The following COL4A2 variants were observed in gnomAD, a reference collection of about 807,000 sequenced individuals.
The protein encoded by COL4A2 is collagen type IV alpha 2 chain.
COL4A2 carries 99 observed loss-of-function variants against 200.2 expected under a neutral mutation model. That is an observed-to-expected ratio of 0.49 (90% CI 0.42 to 0.58). The LOEUF (loss-of-function observed/expected upper bound fraction) is 0.58, where lower values mean the gene tolerates loss of function less well. Ranked by LOEUF, COL4A2 falls within the 20% of genes least tolerant of loss-of-function variation. The pLI is 0.00. For missense variants in COL4A2, 1,950 were observed against 2,314.1 expected (o/e 0.84, Z 3.23); for synonymous variants, 897 against 900.6 (o/e 1.00, Z 0.07).
At chr13:110,314,474 AC>A (rs1234709369) in intron 3 of COL4A2, among the ~76,000 whole-genome samples, 1 of 152,188 alleles carries the variant, frequency 6.6e-6, no homozygotes, top group African/African-American at 2.4e-5. Flanking sequence ...GCAGAGGTAG[AC>A]CCAAGCGAAG....
In COL4A2 at chr13:110,403,180, C is replaced by G. The variant is rs561576165; in HGVS notation, c.181-21554C>G. Among the ~76,000 whole-genome samples the G allele has an allele frequency of 1.1e-3, 173 of 152,320 alleles. 1 individual carries two copies. Among genetic ancestry groups the G allele is most frequent in the African/African-American group, 3.9e-3 (164 of 41,592 alleles). Reference sequence around the variant, plus strand: ...TCAAATGTTTGCTTGGCTACAATCTCGATGTTCTCTGCTGAACATGTTTTC... The same window carrying G: ...TCAAATGTTTGCTTGGCTACAATCTGGATGTTCTCTGCTGAACATGTTTTC... On this transcript the variant is annotated intron_variant, in intron 4 of 47. Coordinates refer to ENST00000360467, the MANE Select transcript of COL4A2 (RefSeq NM_001846.4).
intron 34 of COL4A2, among the ~76,000 whole-genome samples, chr13:110,486,705 G>C (rs1403514396): frequency 1.3e-5 from 2 of 152,106 alleles, no homozygotes; most frequent in Non-Finnish European, 2.9e-5. Context: ...AGTCAGCGAA[G>C]GGAGATAGGG....
At chr13:110,329,673 C>T (rs77696201) in intron 3 of COL4A2, among the ~76,000 whole-genome samples, 6,213 of 152,304 alleles carry the variant, frequency 0.041, 158 homozygotes, top group Non-Finnish European at 0.058. Flanking sequence ...AGAGCTGGTG[C>T]TGGAACCCTG....
chr13:110,462,775 C>T (rs1882079859), intron 24 of COL4A2, among the ~76,000 whole-genome samples: 1 of 152,140 alleles, frequency 6.6e-6, no homozygotes, highest in Non-Finnish European at 1.5e-5. Context: ...GGAGGGGCTA[C>T]CTAGTAGCCT....
intron 20 of COL4A2, among the ~76,000 whole-genome samples, chr13:110,452,413 C>G (rs1566541209): frequency 6.6e-6 from 1 of 152,200 alleles, no homozygotes; most frequent in South Asian, 2.1e-4. Context: ...CCGCCCGCCT[C>G]GGTCTCCCAA....
In COL4A2 at chr13:110,511,743, GC is replaced by G. The variant is rs201934557; in HGVS notation, c.4882-190del. 2.5e-4 allele frequency among the ~76,000 whole-genome samples: 37 copies of G among 149,000 alleles called. No individual in the cohort carries two copies. The East Asian group carries it at 8.6e-3, about 35-fold the overall frequency. On this transcript the variant is annotated intron_variant, in intron 47 of 47. Transcript: ENST00000360467. ...GTCCTGGTGCCTGGGGCTGCCTCCT[GC>G]AGGGGGCCCATGTGTATTTCACCAG...
intron 4 of COL4A2, among the ~76,000 whole-genome samples, chr13:110,388,098 G>C (rs1878835758): frequency 6.6e-6 from 1 of 152,218 alleles, no homozygotes; most frequent in South Asian, 2.1e-4. Flanking sequence ...GCCAAAAGTG[G>C]CCCAGAAGGC....
At chr13:110,318,920 TTTCATTATGGGCAGG>T (rs1426628454) in intron 3 of COL4A2, among the ~76,000 whole-genome samples, 2 of 152,110 alleles carry the variant, frequency 1.3e-5, no homozygotes, top group African/African-American at 2.4e-5. Flanking sequence ...ATATTCCATA[TTTCATTATGGGCAGG>T]TTGGGGGTTG....
intron 4 of COL4A2, among the ~76,000 whole-genome samples, chr13:110,374,900 A>G (rs755592752): frequency 2.0e-5 from 3 of 152,186 alleles, no homozygotes; most frequent in Non-Finnish European, 4.4e-5. Flanking sequence ...TTCAAGTCTT[A>G]CCCTCTAAGT....
At chr13:110,465,819 C>A (rs1354091919) in intron 25 of COL4A2, among the ~76,000 whole-genome samples, 184 bp from the exon 26 acceptor site, 1 of 152,192 alleles carries the variant, frequency 6.6e-6, no homozygotes, top group Admixed American at 6.5e-5. Flanking sequence ...TGTAGGACTA[C>A]AGTGACAGAG....
At chr13:110,366,436 C>G (rs899882342) in intron 4 of COL4A2, among the ~76,000 whole-genome samples, 1 of 152,128 alleles carries the variant, frequency 6.6e-6, no homozygotes, top group African/African-American at 2.4e-5. Context: ...TGCCTGTGAG[C>G]GGTCTTCTAC....
chr13:110,458,931 C>G lies in COL4A2; in HGVS notation c.1593C>G (p.Leu531=). ...ACGGCCTCCCTGGGTTCCCAGGGCT[C>G]AAGGTGAGGAGCAATTTCATCATGA... is the stretch of plus-strand genomic sequence containing the variant. ...GQHGLPGFPG[L]KGVPGNIGAP... is the part of the protein sequence containing the mutation. Residue 531 remains leucine, a synonymous_variant, in exon 22 of 48, where the codon CTC becomes CTG. Transcript: ENST00000360467. 6.4e-7 allele frequency: 1 copy of G among 1,561,678 alleles called. No homozygotes were observed.
intron 4 of COL4A2, among the ~76,000 whole-genome samples, chr13:110,406,958 G>A (rs939044397): frequency 2.0e-5 from 3 of 152,146 alleles, no homozygotes; most frequent in Non-Finnish European, 4.4e-5. Context: ...GGCCCGGCAG[G>A]GTCTCCTGCT....
At chr13:110,412,701 G>A (rs990294805) in intron 4 of COL4A2, among the ~76,000 whole-genome samples, 5 of 152,128 alleles carry the variant, frequency 3.3e-5, no homozygotes, top group African/African-American at 7.2e-5. Flanking sequence ...GCTTATCACC[G>A]ACAGTTGTCC....
At chr13:110,428,936 T>C (rs888349122) in intron 7 of COL4A2, 2 of 197,564 alleles carry the variant, frequency 1.0e-5, no homozygotes, top group Non-Finnish European at 2.0e-5. Context: ...TGAAATACTT[T>C]GTGACGTGGG....
chr13:110,434,340 A>G, intron 11 of COL4A2, 61 bp from the exon 12 acceptor site: 1 of 1,518,550 alleles, frequency 6.6e-7, no homozygotes, highest in Non-Finnish European at 9.0e-7. Flanking sequence ...TAAGAAAAAT[A>G]ATTTTATTTC....
intron 16 of COL4A2, among the ~76,000 whole-genome samples, chr13:110,440,584 G>GA: frequency 6.6e-6 from 1 of 152,072 alleles, no homozygotes; most frequent in Non-Finnish European, 1.5e-5. Flanking sequence ...CAACAAGAGT[G>GA]AAACTCCATC....
rs554299038 is a variant in COL4A2 at position 110,310,022 on chromosome 13, T to TTACTACTAGC, written c.99+1904_99+1905insCTAGCTACTA. ...AAACAAACAAACAAAAAAAACCTAG[T>TTACTACTAGC]TACTAAACATAGCTCTGCCCTAATC... On this transcript the variant is annotated intron_variant, in intron 3 of 47. Transcript: ENST00000360467. Among the ~76,000 whole-genome samples the TTACTACTAGC allele has an allele frequency of 1.3e-4, 20 of 152,224 alleles. No individual in the cohort carries two copies. The East Asian group carries it at 3.7e-3, about 28-fold the overall frequency.
intron 3 of COL4A2, among the ~76,000 whole-genome samples, chr13:110,314,346 G>A (rs1276781455): frequency 1.3e-5 from 2 of 152,218 alleles, no homozygotes; most frequent in Non-Finnish European, 2.9e-5. Context: ...CATGGAGAAG[G>A]CTGAAAGCAG....
Sources: gnomAD v4.1 joint callset for allele counts (sites outside exome capture counted in the v4.1 genomes callset) on GRCh38, gnomAD v4.1.1 for gene constraint, MANE v1.5 for transcripts, NCBI Gene and HGNC (gene_info 2026-07-23, HGNC 2026-07-21) for gene names.